NBPF15: variants seen among roughly 807,000 people sequenced by gnomAD.
NBPF15 encodes NBPF member 15, also known as NBPF family member NBPF15.
In NBPF15, 74 loss-of-function variants were observed where a neutral mutation model predicts 62.2. That is an observed-to-expected ratio of 1.19 (90% CI 0.99 to 1.44). The LOEUF (loss-of-function observed/expected upper bound fraction) is 1.44, where lower values mean the gene tolerates loss of function less well. Ranked by LOEUF, NBPF15 falls within the 40% of genes most tolerant of loss-of-function variation. NBPF15 has a pLI of 0.00. For missense variants in NBPF15, 790 were observed against 550.0 expected, an observed-to-expected ratio of 1.44 and a Z score of -4.36; for synonymous variants, 244 against 209.7, an observed-to-expected ratio of 1.16 and a Z score of -1.41.
intron 13 of NBPF15, among the ~76,000 whole-genome samples, chr1:144,431,242 C>T (rs1259539604): frequency 9.1e-4 from 137 of 150,524 alleles, no homozygotes; most frequent in Non-Finnish European, 1.3e-3. Context: ...AGATACTCCT[C>T]GAGAAGAGCA....
intron 4 of NBPF15, among the ~76,000 whole-genome samples, chr1:144,455,955 CCTACAGGATT>C: frequency 6.6e-6 from 1 of 152,152 alleles, no homozygotes; most frequent in East Asian, 1.9e-4. Context: ...AATTCTAAGT[CCTACAGGATT>C]CTGGAATGGG....
In NBPF15 at chr1:144,432,076, C is replaced by T. The variant is rs1484591212; in HGVS notation, c.824+1697G>A. On this transcript the variant is annotated intron_variant, in intron 13 of 21. Coordinates refer to ENST00000581897, the MANE Select transcript of NBPF15 (RefSeq NM_001385408.1). ...CCCTGAGGAATTGCCACACTGCCTT[C>T]CACAATCATTGAACTAGTTTACAGT... Among the ~76,000 whole-genome samples the T allele has an allele frequency of 2.0e-5, 3 of 152,042 alleles. No individual in the cohort carries two copies. The South Asian group carries it at 6.2e-4, about 32-fold the overall frequency.
At chr1:144,461,300 G>A (rs1366116852) in intron 1 of NBPF15, 81 bp downstream of exon 1, 4 of 74,276 alleles carry the variant, frequency 5.4e-5, no homozygotes, top group Non-Finnish European at 5.5e-5. Flanking sequence ...CCCCCACCCC[G>A]CCTCGCCCTC....
At chr1:144,437,171 T>G (rs2102081705) in intron 9 of NBPF15, 62 bp from the exon 10 acceptor site, 4 of 1,418,052 alleles carry the variant, frequency 2.8e-6, no homozygotes, top group Non-Finnish European at 4.0e-6. Context: ...GCTCAAATAT[T>G]GCAACAGAGA....
chr1:144,426,910 G>T, intron 17 of NBPF15, 137 bp downstream of exon 17: 1 of 575,030 alleles, frequency 1.7e-6, no homozygotes, highest in Non-Finnish European at 3.1e-6. Flanking sequence ...CTACTGCAAT[G>T]AAAACCAACA....
At chr1:144,455,936 T>A (rs1571167763) in intron 4 of NBPF15, among the ~76,000 whole-genome samples, 1 of 152,008 alleles carries the variant, frequency 6.6e-6, no homozygotes, top group Non-Finnish European at 1.5e-5. Context: ...AATTCCACTG[T>A]GGCCCATAAA....
At position 144,438,063 on chromosome 1, in the gene NBPF15, C is replaced by A. The variant is rs1679945765; in HGVS notation, c.176-16G>T. The stretch of plus-strand genomic sequence containing the variant: ...TCTTCATATTCTGAGAAAAGACAGA[C>A]ACGCCTGCCTCAGTGGAAGGCTGGA... On this transcript the variant is annotated splice_polypyrimidine_tract_variant and intron_variant, in intron 8 of 21. Coordinates refer to ENST00000581897, the MANE Select transcript of NBPF15 (RefSeq NM_001385408.1). The A allele has an allele frequency of 6.2e-7, 1 of 1,610,910 alleles. No individual in the cohort carries two copies. Among genetic ancestry groups the A allele is most frequent in the Admixed American group, 1.7e-5 (1 of 59,982 alleles).
intron 6 of NBPF15, among the ~76,000 whole-genome samples, chr1:144,442,068 G>C (rs1279186640): frequency 7.3e-6 from 1 of 137,332 alleles, no homozygotes; most frequent in Non-Finnish European, 1.5e-5. Flanking sequence ...TAAGTGACGA[G>C]TTAATGGGTG....
Sources: gnomAD v4.1 joint callset for allele counts (sites outside exome capture counted in the v4.1 genomes callset) on GRCh38, gnomAD v4.1.1 for gene constraint, MANE v1.5 for transcripts, NCBI Gene and HGNC (gene_info 2026-07-23, HGNC 2026-07-21) for gene names.